Variants in AGBL3 observed in about 807,000 individuals in gnomAD.
AGBL3 encodes the protein cytosolic carboxypeptidase 3.
A neutral mutation model predicts 94.5 loss-of-function variants in AGBL3; 68 were observed. The ratio of observed to expected loss-of-function variants is 0.72; its 90% CI spans 0.59 to 0.88. The LOEUF is 0.88. Among genes scored for constraint, AGBL3 ranks in the 40% least tolerant of loss-of-function variants. The pLI, the probability that AGBL3 is intolerant of heterozygous loss-of-function variation, is 0.00. For missense variants in AGBL3, 934 were observed against 1,103.8 expected, an observed-to-expected ratio of 0.85 and a Z score of 2.18; for synonymous variants, 354 against 370.7, an observed-to-expected ratio of 0.95 and a Z score of 0.52.
chr7:135,056,358 T>C (rs1463217213), intron 11 of AGBL3, among the ~76,000 whole-genome samples: 1 of 152,114 alleles, frequency 6.6e-6, no homozygotes, highest in East Asian at 1.9e-4. Flanking sequence ...GCTTTCTTCT[T>C]TTCTGACATA....
intron 12 of AGBL3, among the ~76,000 whole-genome samples, chr7:135,075,688 C>T (rs1017752427): frequency 6.6e-6 from 1 of 152,196 alleles, no homozygotes; most frequent in Non-Finnish European, 1.5e-5. Context: ...ACAATTTTCC[C>T]TTCCCAAGAA....
intron 12 of AGBL3, 102 bp downstream of exon 12, chr7:135,059,337 G>T: frequency 6.6e-6 from 4 of 606,444 alleles, no homozygotes; most frequent in South Asian, 5.8e-5. Flanking sequence ...TGTAATTATT[G>T]TATCATCATT....
At chr7:134,998,643 G>A (rs560208002) in intron 4 of AGBL3, among the ~76,000 whole-genome samples, 7 of 152,184 alleles carry the variant, frequency 4.6e-5, no homozygotes, top group African/African-American at 1.7e-4. Flanking sequence ...CAGAACTAGT[G>A]GGCTATCTTG....
chr7:135,105,477 T>C (rs1199667061), intron 15 of AGBL3, among the ~76,000 whole-genome samples: 1 of 152,248 alleles, frequency 6.6e-6, no homozygotes, highest in Non-Finnish European at 1.5e-5. Flanking sequence ...CAGCACCTGT[T>C]ATTGAATAGG....
At chr7:135,010,960 A>T (rs931105276) in intron 4 of AGBL3, 3 of 152,194 alleles carry the variant, frequency 2.0e-5, no homozygotes, top group African/African-American at 7.2e-5. Flanking sequence ...TTTTATAGAA[A>T]TTGACAAGGT....
intron 5 of AGBL3, among the ~76,000 whole-genome samples, chr7:135,025,645 G>T (rs1432965535): frequency 2.0e-5 from 3 of 151,432 alleles, no homozygotes; most frequent in Non-Finnish European, 2.9e-5. Flanking sequence ...GCATAGAGTG[G>T]CAGACTACAT....
intron 4 of AGBL3, among the ~76,000 whole-genome samples, chr7:135,008,324 G>T (rs529946519): frequency 1.1e-4 from 17 of 152,132 alleles, no homozygotes; most frequent in Non-Finnish European, 2.4e-4. Flanking sequence ...CCAGAAATAA[G>T]CCCATGTGTC....
At chr7:135,021,054 TAA>T (rs58072725) in intron 5 of AGBL3, among the ~76,000 whole-genome samples, 9 of 17,604 alleles carry the variant, frequency 5.1e-4, no homozygotes, top group South Asian at 0.01. Context: ...ACTTAAATAA[TAA>T]AAAAAAAAAA....
intron 4 of AGBL3, chr7:135,010,394 A>G (rs1317814129): frequency 1.1e-5 from 2 of 185,466 alleles, no homozygotes; most frequent in African/African-American, 2.4e-5. Context: ...GTCATGAAAT[A>G]TAAGGAAAGA....
chr7:135,127,030 T>C (rs1258386448), intron 16 of AGBL3, among the ~76,000 whole-genome samples: 2 of 152,044 alleles, frequency 1.3e-5, no homozygotes, highest in African/African-American at 2.4e-5. Context: ...GATCTAATTA[T>C]ACTAAAGAGC....
At chr7:135,094,949 G>A (rs1822435501) in intron 15 of AGBL3, among the ~76,000 whole-genome samples, 1 of 152,156 alleles carries the variant, frequency 6.6e-6, no homozygotes, top group African/African-American at 2.4e-5. Flanking sequence ...TCCTTGTATT[G>A]TTGAGAGCAC....
intron 15 of AGBL3, among the ~76,000 whole-genome samples, chr7:135,104,808 T>C (rs111739973): frequency 0.012 from 1,750 of 151,968 alleles, 30 homozygotes; most frequent in African/African-American, 0.04. Context: ...TTGTTTAAGT[T>C]CTTTATAGAT....
At chr7:135,076,547 C>A in intron 13 of AGBL3, 79 bp downstream of exon 13, 1 of 1,104,416 alleles carries the variant, frequency 9.1e-7, no homozygotes, top group Non-Finnish European at 1.3e-6. Context: ...TCTTATACTT[C>A]TTATACCCGA....
chr7:134,996,406 CAG>C (rs1469632633), intron 4 of AGBL3, among the ~76,000 whole-genome samples: 1 of 152,178 alleles, frequency 6.6e-6, no homozygotes, highest in Non-Finnish European at 1.5e-5. Context: ...ATGAAACTCT[CAG>C]GGGGAGTTTC....
At chr7:135,124,912 G>C (rs79623405) in intron 16 of AGBL3, among the ~76,000 whole-genome samples, 7 of 152,140 alleles carry the variant, frequency 4.6e-5, no homozygotes, top group African/African-American at 9.7e-5. Context: ...TGTTAAGGGG[G>C]AAATTTATGG....
chr7:135,063,332 T>A lies in AGBL3; in HGVS notation c.1908+4097T>A, dbSNP rs555867018. Among the ~76,000 whole-genome samples the A allele has an allele frequency of 1.9e-3, 294 of 152,230 alleles. 1 individual carries two copies. Among genetic ancestry groups the A allele is most frequent in the African/African-American group, 6.6e-3 (273 of 41,580 alleles). On this transcript the variant is annotated intron_variant, in intron 12 of 16. Coordinates refer to ENST00000436302, the MANE Select transcript of AGBL3 (RefSeq NM_178563.4). ...TCATTGGTCTTTCCTATTGTTTTTC[T>A]AGTCCCTATTTATTTTTGCTCTGAT... is the stretch of plus-strand genomic sequence containing the variant.
chr7:135,115,094 G>A (rs1826140541), intron 15 of AGBL3, among the ~76,000 whole-genome samples: 1 of 152,054 alleles, frequency 6.6e-6, no homozygotes, highest in African/African-American at 2.4e-5. Context: ...ACTTCCATGA[G>A]ATGTCAGCTT....
At chr7:135,107,559 A>G (rs895328421) in intron 15 of AGBL3, among the ~76,000 whole-genome samples, 1 of 152,006 alleles carries the variant, frequency 6.6e-6, no homozygotes, top group South Asian at 2.1e-4. Context: ...TTCTATTTTT[A>G]TTGTGCTGTG....
intron 15 of AGBL3, among the ~76,000 whole-genome samples, chr7:135,114,608 C>T (rs1006729694): frequency 1.3e-5 from 2 of 152,062 alleles, no homozygotes; most frequent in African/African-American, 4.8e-5. Flanking sequence ...ACATCCAATT[C>T]TTTAGAAAAT....
Sources: gnomAD v4.1 joint callset for allele counts (sites outside exome capture counted in the v4.1 genomes callset) on GRCh38, gnomAD v4.1.1 for gene constraint, MANE v1.5 for transcripts, NCBI Gene and HGNC (gene_info 2026-07-23, HGNC 2026-07-21) for gene names.